The following ZNF385B variants were observed in gnomAD, a reference collection of about 807,000 sequenced individuals.
The protein encoded by ZNF385B is zinc finger protein 533.
Under a neutral mutation model 39.2 loss-of-function variants are expected in ZNF385B, and 23 were observed. The ratio of observed to expected loss-of-function variants is 0.59; its 90% CI spans 0.42 to 0.83. The LOEUF (loss-of-function observed/expected upper bound fraction) is 0.83, where lower values mean the gene tolerates loss of function less well. Ranked by LOEUF, ZNF385B falls within the 40% of genes least tolerant of loss-of-function variation. The pLI is 0.00. For synonymous variants in ZNF385B, 205 were observed against 222.6 expected, an observed-to-expected ratio of 0.92 and a Z score of 0.70; for missense variants, 552 against 598.9, an observed-to-expected ratio of 0.92 and a Z score of 0.82.
At chr2:179,709,289 T>C (rs1699834615) in intron 3 of ZNF385B, among the ~76,000 whole-genome samples, 1 of 152,226 alleles carries the variant, frequency 6.6e-6, no homozygotes, top group Non-Finnish European at 1.5e-5. Context: ...AGCCCCCACC[T>C]TGCTGTTTCA....
intron 3 of ZNF385B, among the ~76,000 whole-genome samples, chr2:179,600,970 C>T (rs1688364066): frequency 1.3e-5 from 2 of 152,086 alleles, no homozygotes. Flanking sequence ...AGATGAGTTT[C>T]TCAAAAGTTT....
intron 1 of ZNF385B, among the ~76,000 whole-genome samples, chr2:179,826,127 C>T (rs1300018942): frequency 6.6e-6 from 1 of 152,122 alleles, no homozygotes; most frequent in Non-Finnish European, 1.5e-5. Flanking sequence ...TTATGAAAAA[C>T]AGCTGTCGAA....
At chr2:179,681,863 G>A (rs1249498123) in intron 3 of ZNF385B, among the ~76,000 whole-genome samples, 1 of 152,164 alleles carries the variant, frequency 6.6e-6, no homozygotes, top group Non-Finnish European at 1.5e-5. Context: ...ATGACTTATG[G>A]CCCTGTAACT....
intron 6 of ZNF385B, among the ~76,000 whole-genome samples, chr2:179,472,765 C>G (rs985194383): frequency 6.6e-6 from 1 of 152,294 alleles, no homozygotes; most frequent in African/African-American, 2.4e-5. Flanking sequence ...CATACCCCCC[C>G]TCCCTAGCCT....
intron 3 of ZNF385B, among the ~76,000 whole-genome samples, chr2:179,751,411 G>C (rs902484558): frequency 6.6e-6 from 1 of 152,054 alleles, no homozygotes; most frequent in Admixed American, 6.6e-5. Context: ...GTGGTATCGC[G>C]TTTTCAAGTT....
At chr2:179,507,104 A>T (rs1287905877) in intron 5 of ZNF385B, among the ~76,000 whole-genome samples, 3 of 152,112 alleles carry the variant, frequency 2.0e-5, no homozygotes, top group Non-Finnish European at 4.4e-5. Context: ...TCATTTTTTT[A>T]AAAAAAGATT....
chr2:179,658,304 C>T (rs927997386), intron 3 of ZNF385B, among the ~76,000 whole-genome samples: 2 of 152,198 alleles, frequency 1.3e-5, no homozygotes, highest in Non-Finnish European at 2.9e-5. Flanking sequence ...CCACCAATGG[C>T]ACTGAACCTT....
At chr2:179,805,037 C>T (rs73973749) in intron 1 of ZNF385B, among the ~76,000 whole-genome samples, 7,390 of 152,270 alleles carry the variant, frequency 0.049, 227 homozygotes, top group Non-Finnish European at 0.066. Context: ...CATGTTGAAT[C>T]TGGCCTTGGG....
intron 3 of ZNF385B, among the ~76,000 whole-genome samples, chr2:179,688,523 C>CAA (rs1698106615): frequency 6.6e-6 from 1 of 150,828 alleles, no homozygotes; most frequent in Admixed American, 6.6e-5. Context: ...ACAACAAAAA[C>CAA]AGAAAGAAAG....
chr2:179,562,006 T>A (rs1474626568), intron 3 of ZNF385B, among the ~76,000 whole-genome samples: 1 of 152,198 alleles, frequency 6.6e-6, no homozygotes, highest in East Asian at 1.9e-4. Context: ...AATCAACAGC[T>A]TAAATATACT....
At chr2:179,468,186 G>A (rs888931074) in intron 6 of ZNF385B, among the ~76,000 whole-genome samples, 3 of 152,204 alleles carry the variant, frequency 2.0e-5, no homozygotes, top group African/African-American at 7.2e-5. Context: ...GTTGAAAGCT[G>A]GCAGCCTACC....
chr2:179,781,002 G>A (rs1344521167), intron 1 of ZNF385B, among the ~76,000 whole-genome samples: 2 of 152,170 alleles, frequency 1.3e-5, no homozygotes, highest in Non-Finnish European at 2.9e-5. Flanking sequence ...GTAAAATGGA[G>A]CATGTGGTCA....
At chr2:179,551,837 C>T (rs2060593519) in intron 3 of ZNF385B, among the ~76,000 whole-genome samples, 1 of 152,014 alleles carries the variant, frequency 6.6e-6, no homozygotes, top group South Asian at 2.1e-4. Context: ...AGTCTGGACA[C>T]CAGACAGAGT....
intron 3 of ZNF385B, among the ~76,000 whole-genome samples, chr2:179,553,755 G>T (rs748302349): frequency 6.7e-6 from 1 of 149,250 alleles, no homozygotes; most frequent in African/African-American, 2.5e-5. Flanking sequence ...AGCTTAAAGC[G>T]GTTCTTTTCT....
At chr2:179,765,236 C>T (rs149660242) in intron 3 of ZNF385B, among the ~76,000 whole-genome samples, 2 of 152,266 alleles carry the variant, frequency 1.3e-5, no homozygotes, top group African/African-American at 4.8e-5. Context: ...GATTCATTTT[C>T]ATTTCCTTTC....
intron 3 of ZNF385B, among the ~76,000 whole-genome samples, chr2:179,693,735 G>T (rs1018865994): frequency 2.0e-5 from 3 of 152,106 alleles, no homozygotes; most frequent in Admixed American, 2.0e-4. Flanking sequence ...AACCAAGAAA[G>T]CAATAACTGC....
intron 3 of ZNF385B, among the ~76,000 whole-genome samples, chr2:179,642,141 T>A (rs74835119): frequency 6.6e-6 from 1 of 152,166 alleles, no homozygotes; most frequent in Non-Finnish European, 1.5e-5. Flanking sequence ...AAGATAGGTA[T>A]ACTTATAAGC....
chr2:179,478,291 C>A (rs1319106511), intron 6 of ZNF385B, among the ~76,000 whole-genome samples: 3 of 152,098 alleles, frequency 2.0e-5, no homozygotes, highest in Non-Finnish European at 4.4e-5. Context: ...TTTTTGAGGG[C>A]GACAAATGTC....
At chr2:179,596,532 C>G (rs1688012747) in intron 3 of ZNF385B, among the ~76,000 whole-genome samples, 1 of 152,156 alleles carries the variant, frequency 6.6e-6, no homozygotes, top group South Asian at 2.1e-4. Flanking sequence ...CTTCCTCTAT[C>G]GTTGGCTTCT....
Sources: gnomAD v4.1 joint callset for allele counts (sites outside exome capture counted in the v4.1 genomes callset) on GRCh38, gnomAD v4.1.1 for gene constraint, MANE v1.5 for transcripts, NCBI Gene and HGNC (gene_info 2026-07-23, HGNC 2026-07-21) for gene names.